C8G: variants seen among roughly 807,000 people sequenced by gnomAD.
C8G encodes the protein complement C8 gamma chain.
In C8G, 38 loss-of-function variants were observed where a neutral mutation model predicts 29.1. The observed-to-expected ratio is 1.31, with a 90% CI of 1.01 to 1.71. The LOEUF is 1.71. Among genes scored for constraint, C8G ranks in the 40% most tolerant of loss-of-function variants. The pLI is 0.00. For synonymous variants in C8G, 158 were observed against 113.2 expected, an observed-to-expected ratio of 1.40 and a Z score of -2.51; for missense variants, 300 against 267.4, an observed-to-expected ratio of 1.12 and a Z score of -0.85.
chr9:136,945,343 C>T lies in C8G; in HGVS notation c.23C>T (p.Thr8Ile), dbSNP rs1564440616. The T allele has an allele frequency of 6.2e-7, 1 of 1,612,246 alleles. No homozygotes were observed. Among genetic ancestry groups the T allele is most frequent in the Non-Finnish European group, 8.5e-7 (1 of 1,179,416 alleles). Residue 8 changes from threonine to isoleucine, a missense_variant, in exon 1 of 7, where the codon ACC (threonine) becomes ATC (isoleucine). Transcript: ENST00000371634. ...ACCATGCTGCCCCCTGGGACTGCGA[C>T]CCTCTTGACTCTGCTCCTGGCAGCT... is the stretch of plus-strand genomic sequence containing the variant. MLPPGTA[T>I]LLTLLLAAGS...
At chr9:136,945,846 C>T in intron 2 of C8G, 76 bp downstream of exon 2, 3 of 1,542,208 alleles carry the variant, frequency 1.9e-6, no homozygotes, top group Non-Finnish European at 2.6e-6. Context: ...GCTCTGGCCC[C>T]TGACCCCACC....
At chr9:136,945,891 GTC>G (rs1191610414) in intron 2 of C8G, 36 bp from the exon 3 acceptor site, 1 of 1,547,738 alleles carries the variant, frequency 6.5e-7, no homozygotes, top group African/African-American at 1.4e-5. Context: ...CCTGGTTGGG[GTC>G]TCCCAGCCTG....
intron 2 of C8G, 58 bp from the exon 3 acceptor site, chr9:136,945,871 G>C: frequency 1.3e-6 from 2 of 1,545,438 alleles, no homozygotes; most frequent in Non-Finnish European, 1.7e-6. Flanking sequence ...CTGTGGCCTG[G>C]ACTAGGATTC....
At position 136,945,469 on chromosome 9, in the gene C8G, G is replaced by T. The variant is rs201239659; in HGVS notation, c.138+11G>T. ...TTTGATGCTCAGCAGGTAGAAGTTG[G>T]GGGGGGTAGAGGGAGGCAGGTAGAA... is the stretch of plus-strand genomic sequence containing the variant. On this transcript the variant is annotated intron_variant, in intron 1 of 6. Coordinates refer to ENST00000371634, the MANE Select transcript of C8G (RefSeq NM_000606.3). The T allele has an allele frequency of 8.6e-5, 134 of 1,563,372 alleles. No homozygotes were observed. The African/African-American group carries it at 8.8e-4, about 10-fold the overall frequency.
chr9:136,945,832 C>G, intron 2 of C8G, 62 bp downstream of exon 2: 1 of 1,540,600 alleles, frequency 6.5e-7, no homozygotes, highest in Non-Finnish European at 8.8e-7. Flanking sequence ...CGGACTTCAG[C>G]CCTGCTCTGG....
At position 136,945,362 on chromosome 9, in the gene C8G, G is replaced by A; in HGVS notation, c.42G>A (p.Leu14=). ...PGTATLLTLL[L]AAGSLGQKPQ... The stretch of plus-strand genomic sequence containing the variant: ...CTGCGACCCTCTTGACTCTGCTCCT[G>A]GCAGCTGGCTCGCTGGGCCAGAAGC... The change falls in exon 1 of 7, where the codon CTG becomes CTA. Residue 14 remains leucine, a synonymous_variant. Transcript: ENST00000371634. 6.2e-7 allele frequency: 1 copy of A among 1,612,962 alleles called. No homozygotes were observed. Among genetic ancestry groups the A allele is most frequent in the Non-Finnish European group, 8.5e-7 (1 of 1,179,930 alleles).
At position 136,946,479 on chromosome 9, in the gene C8G, G is replaced by A. The variant is rs765264127; in HGVS notation, c.469G>A (p.Val157Met). 1 of 1,609,566 alleles carries A rather than the reference G, an allele frequency of 6.2e-7. No homozygotes were observed. The highest frequency in any genetic ancestry group is 8.5e-7 in the Non-Finnish European group (1 of 1,177,966). Residue 157 changes from valine to methionine, a missense_variant, in exon 5 of 7, where the codon GTG (valine) becomes ATG (methionine). Physicochemically the swap from Val to Met is conservative, Grantham distance 21. Transcript: ENST00000371634. ...CTGCCCTGCAGCCCGCTCGCTCCCT[G>A]TGAGCGACTCGGTCCTGAGTGGGTT... ...SVKLYARSLP[V>M]SDSVLSGFEQ...
chr9:136,946,762 C>T lies in C8G; in HGVS notation c.596-6C>T, dbSNP rs1202863495. The T allele has an allele frequency of 5.0e-6, 8 of 1,601,612 alleles. No homozygotes were observed. The highest frequency in any genetic ancestry group is 6.8e-6 in the Non-Finnish European group (8 of 1,177,156). Reference sequence around the variant, plus strand: ...TGCCACCGGCTGAGTCTCGTCTCTGCTGCAGAAGTGAGGAGGTGAGGCCGG... The same window carrying T: ...TGCCACCGGCTGAGTCTCGTCTCTGTTGCAGAAGTGAGGAGGTGAGGCCGG... On this transcript the variant is annotated splice_polypyrimidine_tract_variant and splice_region_variant and intron_variant, in intron 6 of 6. Transcript: ENST00000371634.
At position 136,945,408 on chromosome 9, in the gene C8G, G is replaced by A. The variant is rs781139002; in HGVS notation, c.88G>A (p.Ala30Thr). The change falls in exon 1 of 7, where the codon GCA becomes ACA. Residue 30 changes from alanine (A) to threonine (T), a missense_variant. Transcript: ENST00000371634. Reference sequence around the variant, plus strand: ...GAAGCCTCAGAGGCCACGCCGGCCCGCATCCCCCATCAGCACCATCCAGCC... The same window carrying A: ...GAAGCCTCAGAGGCCACGCCGGCCCACATCCCCCATCAGCACCATCCAGCC... ...GQKPQRPRRP[A>T]SPISTIQPKA... is the part of the protein sequence containing the mutation. The A allele has an allele frequency of 3.7e-6, 6 of 1,600,864 alleles. No individual in the cohort carries two copies. The highest frequency in any genetic ancestry group is 4.3e-6 in the Non-Finnish European group (5 of 1,174,308).
In C8G at chr9:136,946,509, C is replaced by G. The variant is rs755544332; in HGVS notation, c.499C>G (p.Gln167Glu). ...VSDSVLSGFE[Q>E]RVQEAHLTED... is the part of the protein sequence containing the mutation. Reference sequence around the variant, plus strand: ...CGACTCGGTCCTGAGTGGGTTTGAGCAGCGGGTCCAGGAGGCCCACCTGAC... The same window carrying G: ...CGACTCGGTCCTGAGTGGGTTTGAGGAGCGGGTCCAGGAGGCCCACCTGAC... The change falls in exon 5 of 7, where the codon CAG (glutamine) becomes GAG (glutamate). Residue 167 changes from glutamine to glutamate, a missense_variant. Coordinates refer to ENST00000371634, the MANE Select transcript of C8G (RefSeq NM_000606.3). 1 of 1,612,740 alleles carries G rather than the reference C, an allele frequency of 6.2e-7. No homozygotes were observed. The highest frequency in any genetic ancestry group is 8.5e-7 in the Non-Finnish European group (1 of 1,179,804).
At chr9:136,946,613 G>T (rs749190494) in intron 5 of C8G, 38 bp from the exon 6 acceptor site, 1 of 1,613,064 alleles carries the variant, frequency 6.2e-7, no homozygotes, top group Non-Finnish European at 8.5e-7. Flanking sequence ...CCACTCTCTG[G>T]GCTGATGTCC....
chr9:136,946,801 T>A lies in C8G; in HGVS notation c.*20T>A. The A allele has an allele frequency of 1.9e-6, 3 of 1,566,088 alleles. No homozygotes were observed. The highest frequency in any genetic ancestry group is 1.7e-6 in the Non-Finnish European group (2 of 1,160,886). On this transcript the variant is annotated 3_prime_UTR_variant, in exon 7 of 7. Coordinates refer to ENST00000371634, the MANE Select transcript of C8G (RefSeq NM_000606.3). ...AGGTGAGGCCGGCACACAGCTCCAG[T>A]GCTGAGAAGTCAGTGCCCCGAGAGA...
At position 136,946,163 on chromosome 9, in the gene C8G, G is replaced by T. The variant is rs751396128; in HGVS notation, c.425G>T (p.Arg142Leu). Reference sequence around the variant, plus strand: ...AGTTTCGCTGTCCTGTACCTGGAGCGGGCGGGGCAGCTGTCAGTGAAGCTC... The same window carrying T: ...AGTTTCGCTGTCCTGTACCTGGAGCTGGCGGGGCAGCTGTCAGTGAAGCTC... ...YQSFAVLYLE[R>L]AGQLSVKLYA... Residue 142 changes from arginine to leucine, a missense_variant, in exon 4 of 7, where the codon CGG (arginine) becomes CTG (leucine). Transcript: ENST00000371634. 2.6e-6 allele frequency: 4 copies of T among 1,567,624 alleles called. No individual in the cohort carries two copies. Among genetic ancestry groups the T allele is most frequent in the African/African-American group, 1.4e-5 (1 of 73,486 alleles).
rs750662195 is a variant in C8G, at chr9:136,945,704, C to T, written c.209C>T (p.Ala70Val). The change falls in exon 2 of 7, where the codon GCC (alanine) becomes GTC (valine). Residue 70 changes from alanine (A) to valine (V), a missense_variant. By Grantham distance (64) the Ala-to-Val change is moderately conservative. Coordinates refer to ENST00000371634, the MANE Select transcript of C8G (RefSeq NM_000606.3). ...CRFLQEQGHR[A>V]EATTLHVAPQ... ...TTCCTGCAGGAGCAGGGCCACCGGG[C>T]CGAGGCCACCACACTGCATGTGGCT... The T allele has an allele frequency of 3.1e-6, 5 of 1,592,204 alleles. No individual in the cohort carries two copies. In the East Asian group the frequency reaches 1.1e-4, roughly 36 times the overall value.
Position 136,945,895 on chromosome 9 carries a change from C to T in C8G, c.276-34C>T, listed in dbSNP as rs766436571. 6.5e-6 allele frequency: 10 copies of T among 1,549,856 alleles called. No homozygotes were observed. The African/African-American group carries it at 1.1e-4, about 17-fold the overall frequency. ...GGACTAGGATTCCTGGTTGGGGTCTCCCAGCCTGTGGTGCCTCCTCCCCGC... is the reference window on the plus strand; with the variant it reads ...GGACTAGGATTCCTGGTTGGGGTCTTCCAGCCTGTGGTGCCTCCTCCCCGC... On this transcript the variant is annotated intron_variant, in intron 2 of 6. Transcript: ENST00000371634.
chr9:136,946,313 C>T, intron 4 of C8G, 121 bp downstream of exon 4: 7 of 1,379,062 alleles, frequency 5.1e-6, no homozygotes, highest in African/African-American at 1.5e-5. Flanking sequence ...CCTGATCCTC[C>T]TGCTAAGCAG....
rs143370158 is a variant in C8G at position 136,945,403 on chromosome 9, G to A, written c.83G>A (p.Arg28Gln). Residue 28 changes from arginine to glutamine, a missense_variant, in exon 1 of 7, where the codon CGG becomes CAG. By Grantham distance (43) the Arg-to-Gln change is conservative. Coordinates refer to ENST00000371634, the MANE Select transcript of C8G (RefSeq NM_000606.3). ...SLGQKPQRPR[R>Q]PASPISTIQP... ...GGCCAGAAGCCTCAGAGGCCACGCC[G>A]GCCCGCATCCCCCATCAGCACCATC... 5.0e-5 allele frequency: 80 copies of A among 1,605,048 alleles called. No homozygotes were observed. Among genetic ancestry groups the A allele is most frequent in the African/African-American group, 3.3e-4 (25 of 74,920 alleles).
In C8G at chr9:136,946,653, T is replaced by C. The variant is rs1214362302; in HGVS notation, c.559T>C (p.Phe187Leu). 1 of 1,613,178 alleles carries C rather than the reference T, an allele frequency of 6.2e-7. No individual in the cohort carries two copies. The highest frequency in any genetic ancestry group is 2.2e-5 in the East Asian group (1 of 44,876). ...DQIFYFPKYG[F>L]CEAADQFHVL... The stretch of plus-strand genomic sequence containing the variant: ...TGACCCCTGCCTTGGGCCCCCAGGC[T>C]TCTGCGAGGCTGCAGACCAGTTCCA... The change falls in exon 6 of 7, where the codon TTC becomes CTC. Residue 187 changes from phenylalanine to leucine, a missense_variant and splice_region_variant. Phe to Leu is a conservative substitution (Grantham distance 22, BLOSUM62 0). Coordinates refer to ENST00000371634, the MANE Select transcript of C8G (RefSeq NM_000606.3).
At chr9:136,946,366 G>A in intron 4 of C8G, 99 bp from the exon 5 acceptor site, 1 of 1,462,706 alleles carries the variant, frequency 6.8e-7, no homozygotes, top group Non-Finnish European at 9.1e-7. Context: ...GTGGGAGCAG[G>A]GAGAGGGCCC....
Sources: gnomAD v4.1 joint callset for allele counts on GRCh38, gnomAD v4.1.1 for gene constraint, MANE v1.5 for transcripts, NCBI Gene and HGNC (gene_info 2026-07-23, HGNC 2026-07-21) for gene names.